PLCB4: variants seen among roughly 807,000 people sequenced by gnomAD.
PLCB4 encodes 1-phosphatidylinositol 4,5-bisphosphate phosphodiesterase beta-4.
PLCB4 carries 77 observed loss-of-function variants against 178.8 expected under a neutral mutation model. That is an observed-to-expected ratio of 0.43 (90% CI 0.36 to 0.52). The LOEUF is 0.52. Among genes scored for constraint, PLCB4 ranks in the 20% least tolerant of loss-of-function variants. PLCB4 has a pLI of 0.00. For missense variants in PLCB4, 1,024 were observed against 1,453.4 expected (o/e 0.70, Z 4.80); for synonymous variants, 496 against 490.8 (o/e 1.01, Z -0.14).
At chr20:9,278,212 AT>A (rs1338324059) in intron 3 of PLCB4, among the ~76,000 whole-genome samples, 15 of 152,088 alleles carry the variant, frequency 9.9e-5, no homozygotes, top group Non-Finnish European at 2.1e-4. Flanking sequence ...CAAGACTTTA[AT>A]ACATGTCAGT....
At chr20:9,142,627 C>T (rs901176431) in intron 2 of PLCB4, among the ~76,000 whole-genome samples, 5 of 152,138 alleles carry the variant, frequency 3.3e-5, no homozygotes, top group Admixed American at 3.3e-4. Context: ...ACATTCACAA[C>T]ATATCCCAAA....
intron 3 of PLCB4, among the ~76,000 whole-genome samples, chr20:9,265,748 A>T (rs1376749886): frequency 6.6e-6 from 1 of 152,196 alleles, no homozygotes; most frequent in Non-Finnish European, 1.5e-5. Flanking sequence ...AAAATCTTCC[A>T]TTAGCATAAA....
At chr20:9,449,582 T>G (rs2042627238) in intron 32 of PLCB4, among the ~76,000 whole-genome samples, 1 of 152,170 alleles carries the variant, frequency 6.6e-6, no homozygotes, top group African/African-American at 2.4e-5. Context: ...ATTCAACCTC[T>G]TTTTGAAACT....
chr20:9,335,927 C>T (rs542565230), intron 4 of PLCB4, among the ~76,000 whole-genome samples: 1 of 152,064 alleles, frequency 6.6e-6, no homozygotes, highest in East Asian at 1.9e-4. Flanking sequence ...GTTCAGGGAC[C>T]CCTAGGACTA....
At chr20:9,466,009 G>A (rs1359777416) in intron 35 of PLCB4, among the ~76,000 whole-genome samples, 2 of 152,158 alleles carry the variant, frequency 1.3e-5, no homozygotes, top group East Asian at 1.9e-4. Context: ...AAAGCTGGAG[G>A]CATCATGCTA....
At chr20:9,228,256 T>C (rs1353943121) in intron 3 of PLCB4, among the ~76,000 whole-genome samples, 1 of 152,192 alleles carries the variant, frequency 6.6e-6, no homozygotes, top group African/African-American at 2.4e-5. Flanking sequence ...CTTTCTCTTA[T>C]GTAAAAGAAA....
At chr20:9,455,846 A>G (rs2043023163) in intron 33 of PLCB4, among the ~76,000 whole-genome samples, 1 of 152,160 alleles carries the variant, frequency 6.6e-6, no homozygotes, top group Admixed American at 6.5e-5. Flanking sequence ...CATGATATCA[A>G]GGTTGCCTGG....
chr20:9,445,755 A>C (rs1453660156), intron 32 of PLCB4, among the ~76,000 whole-genome samples: 2 of 152,358 alleles, frequency 1.3e-5, no homozygotes, highest in Non-Finnish European at 1.5e-5. Context: ...AGGGGCTTCA[A>C]TGTTGTTGGT....
intron 2 of PLCB4, among the ~76,000 whole-genome samples, chr20:9,117,757 C>A (rs964529993): frequency 7.9e-5 from 12 of 152,158 alleles, no homozygotes; most frequent in African/African-American, 2.9e-4. Flanking sequence ...AGGGCCTTTG[C>A]ATTGGCAGCT....
chr20:9,220,388 T>A (rs1344585950), intron 3 of PLCB4, among the ~76,000 whole-genome samples: 1 of 152,202 alleles, frequency 6.6e-6, no homozygotes, highest in Non-Finnish European at 1.5e-5. Context: ...ACCCAGCATT[T>A]TGGGAGGCCG....
intron 39 of PLCB4, among the ~76,000 whole-genome samples, chr20:9,477,411 T>C (rs1309154634): frequency 6.6e-6 from 1 of 152,174 alleles, no homozygotes; most frequent in Non-Finnish European, 1.5e-5. Flanking sequence ...AACTTAGCTG[T>C]TGGAATAGTC....
At chr20:9,462,444 A>G (rs1382502785) in intron 35 of PLCB4, among the ~76,000 whole-genome samples, 1 of 152,184 alleles carries the variant, frequency 6.6e-6, no homozygotes, top group African/African-American at 2.4e-5. Context: ...TGGGCTTCAA[A>G]AGGTCAGTAA....
chr20:9,339,550 ATATTT>A (rs1228661845), intron 7 of PLCB4, among the ~76,000 whole-genome samples: 1 of 152,214 alleles, frequency 6.6e-6, no homozygotes, highest in South Asian at 2.1e-4. Context: ...TTTTAATAAA[ATATTT>A]TATTTAACCC....
intron 2 of PLCB4, among the ~76,000 whole-genome samples, chr20:9,171,838 C>T (rs2093068866): frequency 1.3e-5 from 2 of 151,972 alleles, no homozygotes; most frequent in Admixed American, 1.3e-4. Context: ...CTATTTCCCC[C>T]CTCCTCATAA....
chr20:9,235,713 A>C (rs2093985729), intron 3 of PLCB4, among the ~76,000 whole-genome samples: 1 of 152,246 alleles, frequency 6.6e-6, no homozygotes, highest in Admixed American at 6.5e-5. Context: ...GCTGGTTTAC[A>C]TCAGGAAGTG....
chr20:9,478,070 C>T (rs1037258897), intron 39 of PLCB4, among the ~76,000 whole-genome samples: 4 of 152,120 alleles, frequency 2.6e-5, no homozygotes, highest in African/African-American at 4.8e-5. Context: ...TCAAAAGATA[C>T]GTGCATTTGG....
chr20:9,183,631 G>A (rs1239255197), intron 2 of PLCB4, among the ~76,000 whole-genome samples: 1 of 152,132 alleles, frequency 6.6e-6, no homozygotes, highest in East Asian at 1.9e-4. Flanking sequence ...TTAGTGATAA[G>A]TAATATTTTA....
chr20:9,376,304 C>T (rs1235187978), intron 12 of PLCB4, among the ~76,000 whole-genome samples: 1 of 152,144 alleles, frequency 6.6e-6, no homozygotes, highest in East Asian at 1.9e-4. Flanking sequence ...GATTTATCTG[C>T]ACATTCAAGT....
intron 16 of PLCB4, 45 bp from the exon 17 acceptor site, chr20:9,390,486 G>T (rs1297094820): frequency 2.2e-6 from 2 of 908,120 alleles, no homozygotes; most frequent in Non-Finnish European, 1.8e-6. Context: ...TTCTTGGACG[G>T]TTAATGGGTG....
Sources: allele counts gnomAD v4.1 joint callset (sites outside exome capture counted in the v4.1 genomes callset), GRCh38; gene constraint gnomAD v4.1.1; transcripts MANE v1.5; gene names NCBI Gene and HGNC (gene_info 2026-07-23, HGNC 2026-07-21).